Variants in CBLIF observed in about 807,000 individuals in gnomAD.
CBLIF encodes the protein cobalamin binding intrinsic factor, also known as gastric intrinsic factor (vitamin B synthesis).
A neutral mutation model predicts 44.9 loss-of-function variants in CBLIF; 24 were observed. The observed-to-expected ratio is 0.53, with a 90% CI of 0.39 to 0.75. The LOEUF (loss-of-function observed/expected upper bound fraction) is 0.75. Among genes scored for constraint, CBLIF ranks in the 30% least tolerant of loss-of-function variants. The probability of loss-of-function intolerance (pLI) is 0.00; values close to 1 mark genes in which losing one functional copy is unlikely to be tolerated. For synonymous variants in CBLIF, 183 were observed against 190.9 expected (o/e 0.96, Z 0.34); for missense variants, 481 against 513.0 (o/e 0.94, Z 0.60).
In CBLIF at chr11:59,829,461, T is replaced by C. The variant is rs774894638; in HGVS notation, c.*23A>G. On this transcript the variant is annotated 3_prime_UTR_variant, in exon 9 of 9. Coordinates refer to ENST00000257248, the MANE Select transcript of CBLIF (RefSeq NM_005142.3). ...TCACCCATCCTTTGGAGATGTTTGATAGAAGCTGAACCCACCTCTTCGTTA... is the reference window on the plus strand; with the variant it reads ...TCACCCATCCTTTGGAGATGTTTGACAGAAGCTGAACCCACCTCTTCGTTA... 7 of 1,535,416 alleles carry C rather than the reference T, an allele frequency of 4.6e-6. No homozygotes were observed. The South Asian group carries it at 7.8e-5, about 17-fold the overall frequency.
chr11:59,833,242 C>T (rs556209690), intron 7 of CBLIF, among the ~76,000 whole-genome samples: 39 of 152,206 alleles, frequency 2.6e-4, no homozygotes, highest in Non-Finnish European at 4.4e-4. Context: ...TTGGGCCAGA[C>T]GCAGTGGCTC....
At chr11:59,833,900 A>G (rs553978402) in intron 7 of CBLIF, among the ~76,000 whole-genome samples, 1 of 152,064 alleles carries the variant, frequency 6.6e-6, no homozygotes, top group East Asian at 1.9e-4. Flanking sequence ...TTATTTCTGT[A>G]TTTTCCCCTA....
chr11:59,833,599 C>T lies in CBLIF; in HGVS notation c.1074-1803G>A, dbSNP rs143184269. On this transcript the variant is annotated intron_variant, in intron 7 of 8. Coordinates refer to ENST00000257248, the MANE Select transcript of CBLIF (RefSeq NM_005142.3). ...ATGGAAGTTAGGGAAGTTATGGAGT[C>T]GTGCAGTAAGCAGCAGACACAATGT... Among the ~76,000 whole-genome samples, 676 of 152,008 alleles carry T rather than the reference C, an allele frequency of 4.4e-3. 8 individuals are homozygous for T. Among genetic ancestry groups the T allele is most frequent in the African/African-American group, 0.016 (648 of 41,450 alleles).
chr11:59,838,475 C>T (rs933000956), intron 5 of CBLIF, among the ~76,000 whole-genome samples: 1 of 152,146 alleles, frequency 6.6e-6, no homozygotes, highest in Admixed American at 6.5e-5. Context: ...TCACCTGAAG[C>T]TTGGAATAGG....
chr11:59,835,560 C>T (rs558125305), intron 7 of CBLIF, among the ~76,000 whole-genome samples: 2 of 152,334 alleles, frequency 1.3e-5, no homozygotes, highest in South Asian at 4.1e-4. Flanking sequence ...TCTCTTTTGC[C>T]TGTTCTACTC....
intron 7 of CBLIF, among the ~76,000 whole-genome samples, chr11:59,832,070 A>T (rs1866381988): frequency 6.6e-6 from 1 of 152,198 alleles, no homozygotes; most frequent in South Asian, 2.1e-4. Flanking sequence ...GCATGATTTT[A>T]TCTGATAAAA....
At chr11:59,834,941 G>C (rs935121360) in intron 7 of CBLIF, among the ~76,000 whole-genome samples, 4 of 151,982 alleles carry the variant, frequency 2.6e-5, no homozygotes, top group African/African-American at 7.3e-5. Context: ...TTTTAGCCTT[G>C]TCTCCTATTC....
intron 7 of CBLIF, among the ~76,000 whole-genome samples, chr11:59,835,202 A>G (rs1041665394): frequency 4.7e-5 from 7 of 150,430 alleles, no homozygotes; most frequent in East Asian, 2.0e-4. Flanking sequence ...CTGGGGTGCA[A>G]TGGCATGATC....
chr11:59,841,520 G>A (rs1199987095), intron 4 of CBLIF, among the ~76,000 whole-genome samples, 196 bp from the exon 5 acceptor site: 1 of 152,212 alleles, frequency 6.6e-6, no homozygotes, highest in Non-Finnish European at 1.5e-5. Context: ...GTAAGCAGCA[G>A]GGCCAAATCT....
intron 5 of CBLIF, among the ~76,000 whole-genome samples, chr11:59,837,958 T>G (rs867263501): frequency 1.3e-5 from 2 of 152,070 alleles, no homozygotes; most frequent in South Asian, 4.1e-4. Context: ...ACTGGGACCA[T>G]GCAAATAAAC....
At chr11:59,829,603 C>A in intron 8 of CBLIF, 58 bp from the exon 9 acceptor site, 1 of 1,026,376 alleles carries the variant, frequency 9.7e-7, no homozygotes, top group East Asian at 2.4e-5. Flanking sequence ...CACCTCCATC[C>A]CCCAAGGGAT....
At chr11:59,830,511 T>A (rs894284744) in intron 8 of CBLIF, among the ~76,000 whole-genome samples, 1 of 152,076 alleles carries the variant, frequency 6.6e-6, no homozygotes, top group African/African-American at 2.4e-5. Flanking sequence ...TGAATTACTT[T>A]CTTTTTAAAA....
intron 3 of CBLIF, 38 bp from the exon 4 acceptor site, chr11:59,842,621 T>C: frequency 1.2e-6 from 2 of 1,603,208 alleles, no homozygotes; most frequent in Non-Finnish European, 1.7e-6. Flanking sequence ...AGACTCACAG[T>C]CACCACGATG....
At chr11:59,837,466 C>T (rs983497814) in intron 5 of CBLIF, 115 bp from the exon 6 acceptor site, 10 of 808,512 alleles carry the variant, frequency 1.2e-5, no homozygotes, top group South Asian at 5.7e-5. Flanking sequence ...CGTAGTCACC[C>T]AGAATGCAAA....
chr11:59,845,035 A>AT (rs927177655), intron 1 of CBLIF, among the ~76,000 whole-genome samples: 66 of 151,226 alleles, frequency 4.4e-4, no homozygotes, highest in Middle Eastern at 3.4e-3. Context: ...TTATTTATTT[A>AT]TTTTTTTTGT....
At chr11:59,843,807 C>T (rs1866570338) in intron 2 of CBLIF, 72 bp downstream of exon 2, 2 of 1,166,380 alleles carry the variant, frequency 1.7e-6, no homozygotes, top group Non-Finnish European at 2.6e-6. Context: ...GGGAAGGACG[C>T]TGAGTTGGAA....
chr11:59,842,638 T>C, intron 3 of CBLIF, 55 bp from the exon 4 acceptor site: 1 of 1,575,958 alleles, frequency 6.3e-7, no homozygotes, highest in South Asian at 1.1e-5. Context: ...GATGAGGACA[T>C]TTGCAAAGAA....
chr11:59,834,288 CT>C lies in CBLIF; in HGVS notation c.1073+1519del, dbSNP rs1565207469. On this transcript the variant is annotated intron_variant, in intron 7 of 8. Coordinates refer to ENST00000257248, the MANE Select transcript of CBLIF (RefSeq NM_005142.3). The stretch of plus-strand genomic sequence containing the variant: ...TCTTTCTTTCTTTCTTTCTTTCTTT[CT>C]TTCTTTCTTTCTTTCTTTCTTTCTT... 3.6e-3 allele frequency among the ~76,000 whole-genome samples: 499 copies of C among 138,530 alleles called. 2 individuals carry two copies. Among genetic ancestry groups the C allele is most frequent in the Admixed American group, 6.5e-3 (86 of 13,204 alleles). The allele number at this position is 138,530 out of a possible 152,430, so 90.9% of individuals were successfully genotyped here.
chr11:59,844,700 G>T (rs546214360), intron 1 of CBLIF, among the ~76,000 whole-genome samples: 1 of 152,224 alleles, frequency 6.6e-6, no homozygotes, highest in Non-Finnish European at 1.5e-5. Context: ...TTCATGAAGA[G>T]TATTAAAGAT....
Sources: gnomAD v4.1 joint callset for allele counts (sites outside exome capture counted in the v4.1 genomes callset) on GRCh38, gnomAD v4.1.1 for gene constraint, MANE v1.5 for transcripts, NCBI Gene and HGNC (gene_info 2026-07-23, HGNC 2026-07-21) for gene names.